The following MARCHF1 variants were observed in gnomAD, a reference collection of about 807,000 sequenced individuals.
The protein encoded by MARCHF1 is E3 ubiquitin-protein ligase MARCHF1.
Under a neutral mutation model 54.2 loss-of-function variants are expected in MARCHF1, and 40 were observed. The ratio of observed to expected loss-of-function variants is 0.74; its 90% CI spans 0.57 to 0.96. The LOEUF (loss-of-function observed/expected upper bound fraction) is 0.96, where lower values mean the gene tolerates loss of function less well. Among genes scored for constraint, MARCHF1 ranks in the 40% least tolerant of loss-of-function variants. MARCHF1 has a pLI of 0.00. For missense variants in MARCHF1, 586 were observed against 656.5 expected, an observed-to-expected ratio of 0.89 and a Z score of 1.17; for synonymous variants, 236 against 236.3, an observed-to-expected ratio of 1.00 and a Z score of 0.01.
intron 3 of MARCHF1, among the ~76,000 whole-genome samples, chr4:163,921,631 T>C (rs1372655576): frequency 6.6e-6 from 1 of 152,098 alleles, no homozygotes; most frequent in Non-Finnish European, 1.5e-5. Flanking sequence ...TTTTCTCACA[T>C]TGTTACAGCT....
At chr4:164,318,272 A>G (rs1373276976) in intron 1 of MARCHF1, among the ~76,000 whole-genome samples, 2 of 152,200 alleles carry the variant, frequency 1.3e-5, no homozygotes, top group African/African-American at 4.8e-5. Flanking sequence ...TACAGCCTGC[A>G]ATCATGCAGG....
chr4:164,185,788 T>TCA lies in MARCHF1; in HGVS notation c.-322-74128_-322-74127dup, dbSNP rs201883110. On this transcript the variant is annotated intron_variant, in intron 1 of 9. Coordinates refer to ENST00000514618, the MANE Select transcript of MARCHF1 (RefSeq NM_001394959.1). The stretch of plus-strand genomic sequence containing the variant: ...AAATTGTAGAAGATATTAAAACTAG[T>TCA]CACACACACACACACACACACAAAA... 3.6e-3 allele frequency among the ~76,000 whole-genome samples: 520 copies of TCA among 144,670 alleles called. 5 individuals carry two copies. In the East Asian group the frequency reaches 0.039, roughly 11 times the overall value. The allele number at this position is 144,670 out of a possible 152,430, so 94.9% of individuals were successfully genotyped here.
At chr4:164,005,578 C>T (rs1203744420) in intron 2 of MARCHF1, among the ~76,000 whole-genome samples, 1 of 152,132 alleles carries the variant, frequency 6.6e-6, no homozygotes, top group African/African-American at 2.4e-5. Context: ...AGGTGGTCAA[C>T]CAGCTTCTGT....
chr4:164,296,435 T>C (rs1425556461), intron 1 of MARCHF1, among the ~76,000 whole-genome samples: 1 of 152,162 alleles, frequency 6.6e-6, no homozygotes, highest in Non-Finnish European at 1.5e-5. Context: ...TGCAGTGGCA[T>C]GATCTTGACT....
At chr4:163,531,941 A>G (rs1738368082) in intron 9 of MARCHF1, among the ~76,000 whole-genome samples, 1 of 151,902 alleles carries the variant, frequency 6.6e-6, no homozygotes, top group South Asian at 2.1e-4. Flanking sequence ...AAGGAAATAA[A>G]AGAATATCTG....
chr4:163,909,831 G>T (rs973273123), intron 3 of MARCHF1, among the ~76,000 whole-genome samples: 1 of 152,130 alleles, frequency 6.6e-6, no homozygotes, highest in Non-Finnish European at 1.5e-5. Flanking sequence ...TTAAAAGACA[G>T]ATATCTGAGA....
At position 163,525,903 on chromosome 4, in the gene MARCHF1, A is replaced by G. The variant is rs1298960312; in HGVS notation, c.*2845T>C. On this transcript the variant is annotated 3_prime_UTR_variant, in exon 10 of 10. Coordinates refer to ENST00000514618, the MANE Select transcript of MARCHF1 (RefSeq NM_001394959.1). ...CCACACAGAATGTAAAAAGAAAATA[A>G]TCAACATTAGATTTTAAATGCAGGT... 1 of 152,140 alleles carries G rather than the reference A, an allele frequency of 6.6e-6. No individual in the cohort carries two copies. Among genetic ancestry groups the G allele is most frequent in the Non-Finnish European group, 1.5e-5 (1 of 67,998 alleles). 9.4% of individuals were successfully genotyped at this position (152,140 alleles called of 1,614,324 possible).
intron 2 of MARCHF1, among the ~76,000 whole-genome samples, chr4:164,025,211 T>C (rs1455706562): frequency 2.0e-5 from 3 of 152,114 alleles, no homozygotes; most frequent in Non-Finnish European, 1.5e-5. Context: ...AAAAAAATTC[T>C]GGACTTAAAT....
intron 4 of MARCHF1, among the ~76,000 whole-genome samples, chr4:163,745,836 G>GT (rs1355817826): frequency 7.9e-6 from 1 of 126,734 alleles, no homozygotes; most frequent in Non-Finnish European, 1.8e-5. Flanking sequence ...TAGTCTTATA[G>GT]TTTAAAAAAA....
At chr4:163,979,219 G>T in intron 3 of MARCHF1, among the ~76,000 whole-genome samples, 1 of 69,980 alleles carries the variant, frequency 1.4e-5, no homozygotes, top group Non-Finnish European at 2.5e-5. Flanking sequence ...CCCTTCCTGT[G>T]TCCATGTGAT....
intron 9 of MARCHF1, among the ~76,000 whole-genome samples, chr4:163,529,494 C>G (rs1738272072): frequency 6.6e-6 from 1 of 151,942 alleles, no homozygotes; most frequent in Admixed American, 6.6e-5. Context: ...TCTTCCCACC[C>G]TCATTTATTT....
In MARCHF1 at chr4:163,860,726, T is replaced by G. The variant is rs1402081966; in HGVS notation, c.-38-6557A>C. Among the ~76,000 whole-genome samples the G allele has an allele frequency of 2.0e-5, 3 of 152,312 alleles. No individual in the cohort carries two copies. The East Asian group carries it at 5.8e-4, about 29-fold the overall frequency. ...ATGTATAGCTTAAAGAACTGCAAGATGCACACTCTCTTTGTGGAGGAGTAC... is the reference window on the plus strand; with the variant it reads ...ATGTATAGCTTAAAGAACTGCAAGAGGCACACTCTCTTTGTGGAGGAGTAC... On this transcript the variant is annotated intron_variant, in intron 3 of 9. Transcript: ENST00000514618.
rs940690813 is a variant in MARCHF1 at position 163,527,883 on chromosome 4, T to A, written c.*865A>T. ...AATAACATATAGTGTTTTTAAAAAA[T>A]CAAAATTCATTTTAACAAACAAACA... On this transcript the variant is annotated 3_prime_UTR_variant, in exon 10 of 10. Transcript: ENST00000514618. 6.6e-6 allele frequency: 1 copy of A among 152,136 alleles called. No individual in the cohort carries two copies. Among genetic ancestry groups the A allele is most frequent in the Non-Finnish European group, 1.5e-5 (1 of 67,974 alleles). 9.4% of individuals were successfully genotyped at this position (152,136 alleles called of 1,614,324 possible). A position where few individuals can be genotyped will look rare whatever the true frequency, so the allele number is the denominator to read the frequency against.
At chr4:163,680,874 C>G (rs1744079482) in intron 5 of MARCHF1, among the ~76,000 whole-genome samples, 1 of 151,942 alleles carries the variant, frequency 6.6e-6, no homozygotes, top group African/African-American at 2.4e-5. Flanking sequence ...GCTTGAATGA[C>G]TCATTACACT....
intron 2 of MARCHF1, among the ~76,000 whole-genome samples, chr4:164,049,106 AAAG>A (rs1754300735): frequency 6.6e-6 from 1 of 152,226 alleles, no homozygotes; most frequent in African/African-American, 2.4e-5. Context: ...TTTATAAAGA[AAAG>A]AAGTTTAACT....
At chr4:164,148,893 T>A (rs536217371) in intron 1 of MARCHF1, among the ~76,000 whole-genome samples, 14 of 152,258 alleles carry the variant, frequency 9.2e-5, no homozygotes, top group African/African-American at 3.1e-4. Flanking sequence ...TAATTTCCTG[T>A]AGGCAAGGAT....
intron 2 of MARCHF1, among the ~76,000 whole-genome samples, chr4:164,014,306 T>C (rs1212277771): frequency 6.6e-6 from 1 of 152,176 alleles, no homozygotes; most frequent in Admixed American, 6.5e-5. Context: ...TCCCTTTCTT[T>C]GTAATTAGAG....
intron 2 of MARCHF1, among the ~76,000 whole-genome samples, chr4:164,106,953 G>A (rs1461395727): frequency 6.6e-6 from 1 of 152,054 alleles, no homozygotes; most frequent in Admixed American, 6.6e-5. Flanking sequence ...ACAACCATAT[G>A]CAGAAGATCT....
intron 2 of MARCHF1, among the ~76,000 whole-genome samples, chr4:164,017,999 A>G (rs1006422478): frequency 7.2e-5 from 11 of 151,988 alleles, no homozygotes; most frequent in African/African-American, 1.9e-4. Context: ...TACTTTCCAC[A>G]CATATGCAGT....
Sources: allele counts gnomAD v4.1 joint callset (sites outside exome capture counted in the v4.1 genomes callset), GRCh38; gene constraint gnomAD v4.1.1; transcripts MANE v1.5; gene names NCBI Gene and HGNC (gene_info 2026-07-23, HGNC 2026-07-21).